The following B4GALT1 variants were observed in gnomAD, a reference collection of about 807,000 sequenced individuals.
The protein encoded by B4GALT1 is N-acetyllactosamine synthase.
In B4GALT1, 16 loss-of-function variants were observed where a neutral mutation model predicts 34.9. The observed-to-expected ratio is 0.46, with a 90% CI of 0.31 to 0.70. The LOEUF (loss-of-function observed/expected upper bound fraction) is 0.70. Among genes scored for constraint, B4GALT1 ranks in the 30% least tolerant of loss-of-function variants. The pLI is 0.05. For synonymous variants in B4GALT1, 221 were observed against 218.1 expected (o/e 1.01, Z -0.12); for missense variants, 445 against 530.5 (o/e 0.84, Z 1.58).
At chr9:33,167,557 A>G (rs1163398385), upstream of B4GALT1, among the ~76,000 whole-genome samples, 1 of 152,138 alleles carries the variant, frequency 6.6e-6, no homozygotes, top group Non-Finnish European at 1.5e-5. Context: ...TTGGCCGCGC[A>G]CCGCCCTCTT....
chr9:33,182,537 G>A, the B4GALT1 span, among the ~76,000 whole-genome samples: 14 of 152,134 alleles, frequency 9.2e-5, no homozygotes, highest in Admixed American at 5.2e-4. Flanking sequence ...GGACTGACCA[G>A]TTATGTAACC....
chr9:33,108,110 C>T (rs141484691), downstream of B4GALT1, among the ~76,000 whole-genome samples: 1 of 152,194 alleles, frequency 6.6e-6, no homozygotes, highest in Non-Finnish European at 1.5e-5. Context: ...TAACACTTGT[C>T]GTGCTTATTA....
At chr9:33,109,849 G>A (rs991036598), downstream of B4GALT1, among the ~76,000 whole-genome samples, 3 of 152,216 alleles carry the variant, frequency 2.0e-5, no homozygotes, top group Admixed American at 1.3e-4. Context: ...CATATCTAGG[G>A]GCAGAACTGA....
chr9:33,157,112 ATAGGG>A (rs1392186832), intron 1 of B4GALT1, among the ~76,000 whole-genome samples: 20 of 113,184 alleles, frequency 1.8e-4, no homozygotes, highest in African/African-American at 6.3e-4. Context: ...GGTGTCCAGC[ATAGGG>A]AACTACACAC....
rs752523874 is a variant in B4GALT1, at chr9:33,113,591, A to G, written c.1065-5T>C. 3 of 1,614,236 alleles carry G rather than the reference A, an allele frequency of 1.9e-6. No individual in the cohort carries two copies. In the South Asian group the frequency reaches 3.3e-5, roughly 18 times the overall value. ...GTGTGTGCAATTCGGTCAAACCTAC[A>G]AGGAAAAGAGCACAAGGAGATTGTC... is the stretch of plus-strand genomic sequence containing the variant. On this transcript the variant is annotated splice_region_variant and splice_polypyrimidine_tract_variant and intron_variant, in intron 5 of 5. Transcript: ENST00000379731.
At chr9:33,168,922 A>G (rs578010659), upstream of B4GALT1, among the ~76,000 whole-genome samples, 2 of 152,272 alleles carry the variant, frequency 1.3e-5, no homozygotes, top group South Asian at 2.1e-4. Flanking sequence ...GAGTGATACT[A>G]TTGTTTATTC....
chr9:33,154,026 G>A (rs1187825181), intron 1 of B4GALT1, among the ~76,000 whole-genome samples: 1 of 84,656 alleles, frequency 1.2e-5, no homozygotes, highest in Non-Finnish European at 2.2e-5. Flanking sequence ...AGAGAGGAAG[G>A]AAGGAAGGGA....
chr9:33,160,880 T>C (rs1193021341), intron 1 of B4GALT1, among the ~76,000 whole-genome samples: 3 of 152,196 alleles, frequency 2.0e-5, no homozygotes. Context: ...TTTATATCTC[T>C]TTCAACTTTT....
At position 33,113,001 on chromosome 9, in the gene B4GALT1, T is replaced by C. The variant is rs148351595; in HGVS notation, c.*453A>G. Reference sequence around the variant, plus strand: ...CGTAACATTAAGAATGGTTGAAATTTTGTGTTTTTCTGTTAAATTACAACT... The same window carrying C: ...CGTAACATTAAGAATGGTTGAAATTCTGTGTTTTTCTGTTAAATTACAACT... On this transcript the variant is annotated 3_prime_UTR_variant, in exon 6 of 6. Coordinates refer to ENST00000379731, the MANE Select transcript of B4GALT1 (RefSeq NM_001497.4). 34 of 262,022 alleles carry C rather than the reference T, an allele frequency of 1.3e-4. 1 individual carries two copies. The highest frequency in any genetic ancestry group is 7.6e-4 in the African/African-American group (34 of 44,756). 16.2% of individuals were successfully genotyped at this position (262,022 alleles called of 1,614,324 possible). A position where few individuals can be genotyped will look rare whatever the true frequency, so the allele number is the denominator to read the frequency against.
chr9:33,109,393 T>G (rs1839829543), downstream of B4GALT1, among the ~76,000 whole-genome samples: 1 of 152,186 alleles, frequency 6.6e-6, no homozygotes, highest in African/African-American at 2.4e-5. Flanking sequence ...CTAATATCAC[T>G]TATAATAAGA....
intron 1 of B4GALT1, among the ~76,000 whole-genome samples, chr9:33,148,300 T>C (rs6476401): frequency 0.11 from 16,639 of 152,222 alleles, 1,007 homozygotes; most frequent in African/African-American, 0.15. Flanking sequence ...CAAAGAGTTA[T>C]CCTAGCACAT....
In B4GALT1 at chr9:33,167,086, G is replaced by C. The variant is rs749157379; in HGVS notation, c.84C>G (p.Ala28=). ...SLQRACRLLV[A]VCALHLGVTL... ...TGACGCCAAGGTGCAGAGCGCAGAC[G>C]GCCACGAGCAGGCGGCAGGCCCGCT... Residue 28 remains alanine, a synonymous_variant, in exon 1 of 6, where the codon GCC becomes GCG. Coordinates refer to ENST00000379731, the MANE Select transcript of B4GALT1 (RefSeq NM_001497.4). 9 of 1,604,450 alleles carry C rather than the reference G, an allele frequency of 5.6e-6. No individual in the cohort carries two copies. Among genetic ancestry groups the C allele is most frequent in the Non-Finnish European group, 6.8e-6 (8 of 1,179,080 alleles).
chr9:33,149,104 A>G (rs1327911153), intron 1 of B4GALT1, among the ~76,000 whole-genome samples: 1 of 152,164 alleles, frequency 6.6e-6, no homozygotes, highest in Non-Finnish European at 1.5e-5. Flanking sequence ...TTAGAAAACC[A>G]TCAACTACCA....
chr9:33,181,609 G>C, the B4GALT1 span, among the ~76,000 whole-genome samples: 2 of 152,130 alleles, frequency 1.3e-5, no homozygotes, highest in Non-Finnish European at 2.9e-5. Context: ...TAACTACGGG[G>C]TCGCTATGGC....
Position 33,165,646 on chromosome 9 carries a change from T to C in B4GALT1, c.412+1112A>G, listed in dbSNP as rs76294195. Among the ~76,000 whole-genome samples, 32 of 152,320 alleles carry C rather than the reference T, an allele frequency of 2.1e-4. No homozygotes were observed. In the East Asian group the frequency reaches 4.2e-3, roughly 20 times the overall value. On this transcript the variant is annotated intron_variant, in intron 1 of 5. Transcript: ENST00000379731. ...GTGGGAAAGTGACAGAAAACTCCTA[T>C]TGGCAGGATGTCATCCTGCCTGCCA...
downstream of B4GALT1, among the ~76,000 whole-genome samples, chr9:33,107,926 G>T (rs1466935837): frequency 6.6e-6 from 1 of 152,120 alleles, no homozygotes; most frequent in African/African-American, 2.4e-5. Context: ...CTCGCCCTGA[G>T]GTTTACTCAC....
chr9:33,113,690 A>G (rs1839897922), intron 5 of B4GALT1, 84 bp downstream of exon 5: 4 of 1,606,304 alleles, frequency 2.5e-6, no homozygotes, highest in Non-Finnish European at 3.4e-6. Context: ...TGACCACCTC[A>G]ATTTCCCTCT....
chr9:33,129,973 T>C (rs1399669453), intron 2 of B4GALT1, among the ~76,000 whole-genome samples: 1 of 151,874 alleles, frequency 6.6e-6, no homozygotes, highest in East Asian at 1.9e-4. Context: ...CCGTTGCCTG[T>C]AGGCAGTCGT....
intron 1 of B4GALT1, among the ~76,000 whole-genome samples, chr9:33,160,497 T>C (rs1587751296): frequency 6.6e-6 from 1 of 152,216 alleles, no homozygotes; most frequent in East Asian, 1.9e-4. Flanking sequence ...CTGGGTGTGG[T>C]GACTGACACC....
Sources: gnomAD v4.1 joint callset for allele counts (sites outside exome capture counted in the v4.1 genomes callset) on GRCh38, gnomAD v4.1.1 for gene constraint, MANE v1.5 for transcripts, NCBI Gene and HGNC (gene_info 2026-07-23, HGNC 2026-07-21) for gene names.